TENT5D: variants seen among roughly 807,000 people sequenced by gnomAD.
The protein encoded by TENT5D is cancer/testis antigen 112.
For synonymous variants in TENT5D, 103 were observed against 100.6 expected (o/e 1.02, Z -0.15); for missense variants, 191 against 287.0 (o/e 0.67, Z 2.42).
At chrX:80,386,757 G>C (rs2147535447) in intron 3 of TENT5D, among the ~76,000 whole-genome samples, 1 of 110,756 alleles carries the variant, frequency 9.0e-6, no homozygotes, top group African/African-American at 3.3e-5. Flanking sequence ...AATCAATTTA[G>C]AGAAGATTAG....
chrX:80,380,109 T>C (rs774398648), intron 3 of TENT5D, among the ~76,000 whole-genome samples: 3 of 108,783 alleles, frequency 2.8e-5, no homozygotes, highest in Admixed American at 1.0e-4. Flanking sequence ...GCTATAAATT[T>C]CCCTCTACAC....
At chrX:80,426,311 T>G (rs973290448) in intron 1 of TENT5D, among the ~76,000 whole-genome samples, 1 of 111,539 alleles carries the variant, frequency 9.0e-6, no homozygotes, top group Non-Finnish European at 1.9e-5. Context: ...ACTTAAAAAT[T>G]TGAAAAATCA....
intron 3 of TENT5D, among the ~76,000 whole-genome samples, chrX:80,354,136 G>T (rs1273477218): frequency 1.8e-5 from 2 of 111,071 alleles, no homozygotes; most frequent in Non-Finnish European, 3.8e-5. Flanking sequence ...CTGCCTTCAA[G>T]AATTTTTCTT....
intron 3 of TENT5D, among the ~76,000 whole-genome samples, chrX:80,400,881 C>A (rs906340617): frequency 1.8e-5 from 2 of 111,401 alleles, no homozygotes; most frequent in Non-Finnish European, 3.8e-5. Flanking sequence ...CTCACGATTG[C>A]CTTGGCTGTT....
In TENT5D at chrX:80,402,798, G is replaced by A. The variant is rs142950501; in HGVS notation, c.-141-35812G>A. On this transcript the variant is annotated intron_variant, in intron 3 of 4. Transcript: ENST00000538312. Reference sequence around the variant, plus strand: ...AAACTTGCTAAGACTTGTCTCGTAGGCTAACATGATCTTTTCTGTAGAATA... The same window carrying A: ...AAACTTGCTAAGACTTGTCTCGTAGACTAACATGATCTTTTCTGTAGAATA... 2.3e-3 allele frequency among the ~76,000 whole-genome samples: 260 copies of A among 111,883 alleles called. 1 individual carries two copies. The highest frequency in any genetic ancestry group is 7.6e-3 in the African/African-American group (235 of 30,838).
At chrX:80,373,859 A>G (rs1441922304) in intron 3 of TENT5D, among the ~76,000 whole-genome samples, 1 of 111,528 alleles carries the variant, frequency 9.0e-6, no homozygotes, top group Non-Finnish European at 1.9e-5. Context: ...TTTTAAGTTC[A>G]GGGGTACATG....
intron 3 of TENT5D, among the ~76,000 whole-genome samples, chrX:80,411,253 A>G (rs1357506202): frequency 2.7e-5 from 3 of 111,435 alleles, no homozygotes; most frequent in Non-Finnish European, 5.7e-5. Context: ...ATAAAAAAAA[A>G]AGAAAGAAAA....
At chrX:80,406,197 C>T (rs1413834340) in intron 3 of TENT5D, among the ~76,000 whole-genome samples, 1 of 112,158 alleles carries the variant, frequency 8.9e-6, no homozygotes, top group Non-Finnish European at 1.9e-5. Flanking sequence ...GAGCACCTCT[C>T]CTCCTCCAAA....
chrX:80,379,138 ATTCTCT>A (rs1205108100), intron 3 of TENT5D, among the ~76,000 whole-genome samples: 2 of 102,137 alleles, frequency 2.0e-5, no homozygotes, highest in Non-Finnish European at 4.0e-5. Context: ...CCTTTTCTGC[ATTCTCT>A]TGCAGAAAAG....
At chrX:80,407,389 T>C (rs1931524905) in intron 3 of TENT5D, among the ~76,000 whole-genome samples, 1 of 109,148 alleles carries the variant, frequency 9.2e-6, no homozygotes, top group Admixed American at 9.8e-5. Context: ...AGGCTCAAAA[T>C]AAAAGGATGG....
At chrX:80,342,947 ATT>A (rs200150103) in intron 3 of TENT5D, among the ~76,000 whole-genome samples, 3 of 104,225 alleles carry the variant, frequency 2.9e-5, no homozygotes, top group Admixed American at 1.0e-4. Flanking sequence ...GTCTATCTTT[ATT>A]TTTTTTTTTA....
chrX:80,412,324 C>T (rs1399713214), intron 3 of TENT5D, among the ~76,000 whole-genome samples: 3 of 112,419 alleles, frequency 2.7e-5, no homozygotes, highest in Admixed American at 9.4e-5. Flanking sequence ...GGAGAGGCTG[C>T]CACGAAGGTC....
intron 3 of TENT5D, among the ~76,000 whole-genome samples, chrX:80,348,634 A>G (rs1422682198): frequency 6.3e-5 from 7 of 111,454 alleles, no homozygotes; most frequent in Non-Finnish European, 1.3e-4. Flanking sequence ...CCCTCTTCCT[A>G]TTTGAATGCC....
chrX:80,410,966 T>C (rs1182710154), intron 3 of TENT5D, among the ~76,000 whole-genome samples: 1 of 105,549 alleles, frequency 9.5e-6, no homozygotes, highest in Non-Finnish European at 1.9e-5. Context: ...AAATTGGAAA[T>C]CATCATTCTC....
intron 3 of TENT5D, among the ~76,000 whole-genome samples, chrX:80,408,361 T>A (rs1602212206): frequency 9.1e-6 from 1 of 110,461 alleles, no homozygotes; most frequent in East Asian, 2.8e-4. Flanking sequence ...CTAGCAAGAC[T>A]AATAAAGGAA....
chrX:80,440,146 T>A (rs900332047), intron 2 of TENT5D, among the ~76,000 whole-genome samples: 1 of 111,855 alleles, frequency 8.9e-6, no homozygotes, highest in African/African-American at 3.2e-5. Flanking sequence ...AACTATTTTA[T>A]GTGTGTGTGT....
chrX:80,431,743 A>C (rs773570226), intron 1 of TENT5D, among the ~76,000 whole-genome samples: 1 of 111,241 alleles, frequency 9.0e-6, no homozygotes, highest in African/African-American at 3.3e-5. Context: ...TGAATCAGTT[A>C]CCTCCCACCA....
At chrX:80,363,655 G>C (rs1004567054) in intron 3 of TENT5D, among the ~76,000 whole-genome samples, 2 of 111,776 alleles carry the variant, frequency 1.8e-5, no homozygotes, top group Admixed American at 1.9e-4. Context: ...ATAACATACT[G>C]TTCTTGTTTT....
chrX:80,398,948 C>G (rs1179177611), intron 3 of TENT5D, among the ~76,000 whole-genome samples: 1 of 111,769 alleles, frequency 8.9e-6, no homozygotes, highest in Non-Finnish European at 1.9e-5. Context: ...AGACCTTACT[C>G]ATTTTTTAAA....
Sources: gnomAD v4.1 joint callset for allele counts (sites outside exome capture counted in the v4.1 genomes callset) on GRCh38, gnomAD v4.1.1 for gene constraint, MANE v1.5 for transcripts, NCBI Gene and HGNC (gene_info 2026-07-23, HGNC 2026-07-21) for gene names.